IPO9: variants seen among roughly 807,000 people sequenced by gnomAD.
The protein encoded by IPO9 is importin-9.
A neutral mutation model predicts 128.6 loss-of-function variants in IPO9; 28 were observed. That is an observed-to-expected ratio of 0.22 (90% CI 0.16 to 0.30). IPO9 has a LOEUF of 0.30. Among genes scored for constraint, IPO9 ranks in the 10% least tolerant of loss-of-function variants. IPO9 has a pLI of 1.00. For synonymous variants in IPO9, 455 were observed against 475.8 expected (o/e 0.96, Z 0.57); for missense variants, 935 against 1,293.9 (o/e 0.72, Z 4.26).
rs1031638756 is a variant in IPO9, at chr1:201,876,074, T to C, written c.*20T>C. ...ATCTAAAAAGGGGAGCCTTTCTACATTTGCTCCTTCTGGGCCAGCCGCAAA... is the reference window on the plus strand; with the variant it reads ...ATCTAAAAAGGGGAGCCTTTCTACACTTGCTCCTTCTGGGCCAGCCGCAAA... On this transcript the variant is annotated 3_prime_UTR_variant, in exon 24 of 24. Coordinates refer to ENST00000361565, the MANE Select transcript of IPO9 (RefSeq NM_018085.5). 3.9e-6 allele frequency: 6 copies of C among 1,520,050 alleles called. No homozygotes were observed. The Admixed American group carries it at 1.0e-4, about 25-fold the overall frequency. 94.2% of individuals were successfully genotyped at this position (1,520,050 alleles called of 1,614,324 possible).
chr1:201,874,727 A>T, intron 21 of IPO9, 105 bp from the exon 22 acceptor site: 2 of 781,874 alleles, frequency 2.6e-6, no homozygotes, highest in Non-Finnish European at 4.4e-6. Context: ...ACTACAAGCC[A>T]CATTGCAGAA....
At chr1:201,856,064 C>T in intron 10 of IPO9, 130 bp downstream of exon 10, 1 of 711,794 alleles carries the variant, frequency 1.4e-6, no homozygotes, top group Non-Finnish European at 2.1e-6. Flanking sequence ...ATGTGAAGTT[C>T]TGGGAAAGGT....
At chr1:201,854,063 G>A (rs1680274802) in intron 6 of IPO9, among the ~76,000 whole-genome samples, 1 of 152,062 alleles carries the variant, frequency 6.6e-6, no homozygotes, top group Admixed American at 6.5e-5. Flanking sequence ...TAGAGACGGG[G>A]TCTCTCCCTA....
intron 1 of IPO9, among the ~76,000 whole-genome samples, chr1:201,846,003 G>A (rs979284688): frequency 2.6e-5 from 4 of 152,218 alleles, no homozygotes; most frequent in Non-Finnish European, 5.9e-5. Flanking sequence ...AGCTACTCGG[G>A]AGACTGAAGC....
At chr1:201,854,802 C>T (rs1222610077) in intron 7 of IPO9, 21 bp from the exon 8 acceptor site, 2 of 1,602,672 alleles carry the variant, frequency 1.2e-6, no homozygotes, top group Non-Finnish European at 1.7e-6. Context: ...TAACTTGGGT[C>T]CTTTTCTCTT....
At chr1:201,833,459 G>T (rs1405707727) in intron 1 of IPO9, among the ~76,000 whole-genome samples, 1 of 151,988 alleles carries the variant, frequency 6.6e-6, no homozygotes, top group South Asian at 2.1e-4. Flanking sequence ...GGCTGGTCTC[G>T]AACTCCTGAC....
intron 1 of IPO9, among the ~76,000 whole-genome samples, chr1:201,839,874 A>G (rs978725653): frequency 6.6e-6 from 1 of 152,176 alleles, no homozygotes; most frequent in African/African-American, 2.4e-5. Flanking sequence ...TCAAGAGACA[A>G]CTGGCAAACT....
At chr1:201,859,157 A>G (rs569977984) in intron 13 of IPO9, among the ~76,000 whole-genome samples, 163 bp downstream of exon 13, 2 of 138,550 alleles carry the variant, frequency 1.4e-5, no homozygotes, top group Admixed American at 7.5e-5. Context: ...CATTGTGTAC[A>G]TGTACCCTAG....
At chr1:201,852,315 T>C (rs1400875) in intron 5 of IPO9, 123 bp downstream of exon 5, 172,656 of 595,946 alleles carry the variant, frequency 0.29, 26,832 homozygotes, top group Non-Finnish European at 0.33. Context: ...CTGACAAAGA[T>C]CTGGATCTGA....
intron 1 of IPO9, among the ~76,000 whole-genome samples, chr1:201,830,856 T>G (rs147063660): frequency 1.1e-3 from 167 of 152,312 alleles, no homozygotes; most frequent in African/African-American, 3.9e-3. Flanking sequence ...GTATGAAAGG[T>G]GGACCTTGAC....
chr1:201,838,805 A>T (rs2102869523), intron 1 of IPO9, among the ~76,000 whole-genome samples: 1 of 152,378 alleles, frequency 6.6e-6, no homozygotes, highest in South Asian at 2.1e-4. Flanking sequence ...TAGCTTTCAC[A>T]TACACAAACC....
chr1:201,839,783 A>G (rs1332786921), intron 1 of IPO9, among the ~76,000 whole-genome samples: 2 of 152,142 alleles, frequency 1.3e-5, no homozygotes, highest in African/African-American at 4.8e-5. Context: ...TCCAGAGACA[A>G]TAAAAGAAAA....
At position 201,874,351 on chromosome 1, in the gene IPO9, A is replaced by G. The variant is rs1680718924; in HGVS notation, c.2812A>G (p.Thr938Ala). ...VMEANAARQA[T>A]PAEWSQDDSN... The stretch of plus-strand genomic sequence containing the variant: ...GGAGGCTAATGCCGCTCGCCAGGCC[A>G]CTCCTGCAGAGTGGAGTCAAGGTGC... Residue 938 changes from threonine (T) to alanine (A), a missense_variant, in exon 21 of 24, where the codon ACT (threonine) becomes GCT (alanine). By Grantham distance (58) the Thr-to-Ala change is moderately conservative (BLOSUM62 0). Transcript: ENST00000361565. 2.5e-6 allele frequency: 4 copies of G among 1,613,604 alleles called. No individual in the cohort carries two copies. The highest frequency in any genetic ancestry group is 2.7e-5 in the African/African-American group (2 of 74,800).
At chr1:201,852,083 G>A (rs368995299) in intron 4 of IPO9, 21 bp from the exon 5 acceptor site, 1 of 1,479,964 alleles carries the variant, frequency 6.8e-7, no homozygotes, top group Non-Finnish European at 9.4e-7. Flanking sequence ...TTTTTTAACA[G>A]TACTACTTTT....
At position 201,883,818 on chromosome 1, in the gene IPO9, G is replaced by C. The variant is rs555313948; in HGVS notation, c.*7764G>C. ...TGCAAATTCATAACTAATATCCCTC[G>C]TCAGCTCCGCTGACTCATCCCTGCC... On this transcript the variant is annotated 3_prime_UTR_variant, in exon 24 of 24. Coordinates refer to ENST00000361565, the MANE Select transcript of IPO9 (RefSeq NM_018085.5). The C allele has an allele frequency of 1.3e-5, 2 of 152,200 alleles. No individual in the cohort carries two copies. Among genetic ancestry groups the C allele is most frequent in the African/African-American group, 2.4e-5 (1 of 41,438 alleles). The allele number at this position is 152,200 out of a possible 1,614,324, so 9.4% of individuals were successfully genotyped here.
chr1:201,868,885 C>T (rs750678126), intron 16 of IPO9, 89 bp downstream of exon 16: 331 of 1,422,570 alleles, frequency 2.3e-4, no homozygotes, highest in Non-Finnish European at 1.9e-4. Context: ...AACCTAATAG[C>T]GTTAGAGATT....
chr1:201,863,293 A>C, intron 13 of IPO9, 155 bp from the exon 14 acceptor site: 1 of 579,342 alleles, frequency 1.7e-6, no homozygotes, highest in Non-Finnish European at 2.8e-6. Flanking sequence ...CGGAGGTTGC[A>C]GTGAGCCGAG....
At chr1:201,830,219 A>G (rs1258792195) in intron 1 of IPO9, among the ~76,000 whole-genome samples, 1 of 152,232 alleles carries the variant, frequency 6.6e-6, no homozygotes, top group East Asian at 1.9e-4. Context: ...TGTGTAAGAA[A>G]TATATCTGGT....
chr1:201,851,002 A>G (rs1680204588), intron 4 of IPO9, among the ~76,000 whole-genome samples: 1 of 151,724 alleles, frequency 6.6e-6, no homozygotes, highest in African/African-American at 2.4e-5. Context: ...GGTTAGCTTT[A>G]TTTTTAGTTT....
Sources: gnomAD v4.1 joint callset for allele counts (sites outside exome capture counted in the v4.1 genomes callset) on GRCh38, gnomAD v4.1.1 for gene constraint, MANE v1.5 for transcripts, NCBI Gene and HGNC (gene_info 2026-07-23, HGNC 2026-07-21) for gene names.